Variants in PGLYRP3 observed in about 807,000 individuals in gnomAD.
The protein encoded by PGLYRP3 is peptidoglycan recognition protein 3, also known as peptidoglycan recognition protein I alpha.
In PGLYRP3, 39 loss-of-function variants were observed where a neutral mutation model predicts 36.0. The ratio of observed to expected loss-of-function variants is 1.08; its 90% CI spans 0.84 to 1.41. PGLYRP3 has a LOEUF of 1.41. Among genes scored for constraint, PGLYRP3 ranks in the 40% most tolerant of loss-of-function variants. The probability of loss-of-function intolerance (pLI) is 0.00; values close to 1 mark genes in which losing one functional copy is unlikely to be tolerated. For synonymous variants in PGLYRP3, 204 were observed against 172.8 expected, an observed-to-expected ratio of 1.18 and a Z score of -1.42; for missense variants, 407 against 427.9, an observed-to-expected ratio of 0.95 and a Z score of 0.43.
rs73014412 is a variant in PGLYRP3 at position 153,301,210 on chromosome 1, C to T, written c.728+1199G>A. 2.9e-3 allele frequency among the ~76,000 whole-genome samples: 440 copies of T among 152,290 alleles called. 3 individuals carry two copies. The highest frequency in any genetic ancestry group is 0.01 in the African/African-American group (423 of 41,552). ...TGCTGAGATTATAGGCATGAGCCACCGTGCCTGGCCAAATTAATCATCTTT... is the reference window on the plus strand; with the variant it reads ...TGCTGAGATTATAGGCATGAGCCACTGTGCCTGGCCAAATTAATCATCTTT... On this transcript the variant is annotated intron_variant, in intron 6 of 7. Coordinates refer to ENST00000683862, the MANE Select transcript of PGLYRP3 (RefSeq NM_052891.3).
chr1:153,297,656 G>A lies in PGLYRP3; in HGVS notation c.*300C>T, dbSNP rs952711795. Among the ~76,000 whole-genome samples the A allele has an allele frequency of 6.6e-6, 1 of 152,062 alleles. No individual in the cohort carries two copies. The highest frequency in any genetic ancestry group is 1.9e-4 in the East Asian group (1 of 5,190). On this transcript the variant is annotated 3_prime_UTR_variant, in exon 8 of 8. Coordinates refer to ENST00000683862, the MANE Select transcript of PGLYRP3 (RefSeq NM_052891.3). ...AGGAGACAGGGGTTGGGGGGAGAGA[G>A]AGAGAAATGCCACAAGGACCAGCCC...
intron 6 of PGLYRP3, among the ~76,000 whole-genome samples, chr1:153,300,439 C>G (rs1659560653): frequency 6.6e-6 from 1 of 152,180 alleles, no homozygotes; most frequent in South Asian, 2.1e-4. Context: ...CCCTCCTTCT[C>G]TCATATCTAT....
At chr1:153,308,071 T>TGG (rs1241947908) in intron 2 of PGLYRP3, among the ~76,000 whole-genome samples, 8 of 151,672 alleles carry the variant, frequency 5.3e-5, no homozygotes. Flanking sequence ...CTCGGCTCAC[T>TGG]GCAGCCTCCA....
rs1284256021 is a variant in PGLYRP3 at position 153,303,953 on chromosome 1, T to A, written c.433A>T (p.Ile145Phe). The A allele has an allele frequency of 1.2e-6, 2 of 1,613,906 alleles. No individual in the cohort carries two copies. Among genetic ancestry groups the A allele is most frequent in the East Asian group, 2.2e-5 (1 of 44,884 alleles). The change falls in exon 5 of 8, where the codon ATC becomes TTC. Residue 145 changes from isoleucine to phenylalanine, a missense_variant. Physicochemically the swap from Ile to Phe is conservative, Grantham distance 21. Transcript: ENST00000683862. The part of the protein sequence containing the change: ...SAAEGLISYA[I>F]QKGHLSPRYI... ...CTGGGCGACAGGTGACCCTTCTGGATGGCATAGGAGATCAGACCCTCTGCA... is the reference window on the plus strand; with the variant it reads ...CTGGGCGACAGGTGACCCTTCTGGAAGGCATAGGAGATCAGACCCTCTGCA...
rs1557813009 is a variant in PGLYRP3 at position 153,310,593 on chromosome 1, C to T, written c.55+18G>A. The T allele has an allele frequency of 4.3e-6, 7 of 1,613,360 alleles. No individual in the cohort carries two copies. The highest frequency in any genetic ancestry group is 5.9e-6 in the Non-Finnish European group (7 of 1,179,354). ...TTGCTCATCAAAAGCACTTCTGATG[C>T]AAGTAAATAAAACTTACCCCAAGCC... On this transcript the variant is annotated intron_variant, in intron 2 of 7. Coordinates refer to ENST00000683862, the MANE Select transcript of PGLYRP3 (RefSeq NM_052891.3).
intron 3 of PGLYRP3, among the ~76,000 whole-genome samples, chr1:153,305,267 G>A (rs1028099607): frequency 6.6e-6 from 1 of 152,182 alleles, no homozygotes; most frequent in South Asian, 2.1e-4. Flanking sequence ...GATTTAGCTT[G>A]CATGTGTTTT....
At position 153,302,442 on chromosome 1, in the gene PGLYRP3, A is replaced by T. The variant is rs1308509756; in HGVS notation, c.695T>A (p.Met232Lys). ...TVVRNIQSFH[M>K]DTRNFCDIGY... is the part of the protein sequence containing the mutation. ...AATGTCACAAAAGTTCCGTGTGTCC[A>T]TGTGAAAGGACTGTATGTTTCGGAC... Residue 232 changes from methionine (M) to lysine (K), a missense_variant, in exon 6 of 8, where the codon ATG (methionine) becomes AAG (lysine). By Grantham distance (95) the Met-to-Lys change is moderately conservative. Transcript: ENST00000683862. The T allele has an allele frequency of 6.2e-7, 1 of 1,614,170 alleles. No homozygotes were observed.
chr1:153,303,558 G>A (rs947225876), intron 5 of PGLYRP3, among the ~76,000 whole-genome samples: 1 of 152,204 alleles, frequency 6.6e-6, no homozygotes, highest in Non-Finnish European at 1.5e-5. Context: ...TTTGTTCACA[G>A]CTGTATGCTC....
intron 2 of PGLYRP3, 107 bp from the exon 3 acceptor site, chr1:153,307,374 C>T: frequency 9.5e-7 from 1 of 1,056,308 alleles, no homozygotes; most frequent in Admixed American, 2.1e-5. Context: ...CTGCCCCATG[C>T]ATGGGAGACA....
chr1:153,300,571 C>T (rs534532428), intron 6 of PGLYRP3, among the ~76,000 whole-genome samples: 59 of 152,292 alleles, frequency 3.9e-4, no homozygotes, highest in Non-Finnish European at 6.9e-4. Flanking sequence ...AGAACTAGCA[C>T]AAAGACTCTC....
Position 153,302,467 on chromosome 1 carries a change from C to A in PGLYRP3, c.670G>T (p.Val224Phe). 6.2e-7 allele frequency: 1 copy of A among 1,614,156 alleles called. No individual in the cohort carries two copies. The highest frequency in any genetic ancestry group is 8.5e-7 in the Non-Finnish European group (1 of 1,180,032). Residue 224 changes from valine to phenylalanine, a missense_variant, in exon 6 of 8, where the codon GTC (valine) becomes TTC (phenylalanine). Physicochemically the swap from Val to Phe is conservative, Grantham distance 50 (BLOSUM62 -1). Transcript: ENST00000683862. ...ATGTGAAAGGACTGTATGTTTCGGA[C>A]GACAGTCTGGCAGTCTGTGGATACA... is the stretch of plus-strand genomic sequence containing the variant. ...CTVSTDCQTV[V>F]RNIQSFHMDT... is the part of the protein sequence containing the mutation.
chr1:153,304,938 G>A lies in PGLYRP3; in HGVS notation c.376+9C>T, dbSNP rs1281260102. 6.2e-7 allele frequency: 1 copy of A among 1,608,164 alleles called. No homozygotes were observed. The highest frequency in any genetic ancestry group is 2.2e-5 in the East Asian group (1 of 44,800). ...CTCCAGCACAGGGTCCGCAGGGAGT[G>A]ACCCTTACCTATCTTATTGCCAAAG... On this transcript the variant is annotated intron_variant, in intron 4 of 7. Transcript: ENST00000683862.
At position 153,299,247 on chromosome 1, in the gene PGLYRP3, G is replaced by C; in HGVS notation, c.729-16C>G. The C allele has an allele frequency of 1.9e-6, 3 of 1,581,426 alleles. No individual in the cohort carries two copies. Among genetic ancestry groups the C allele is most frequent in the East Asian group, 2.2e-5 (1 of 44,692 alleles). ...CACCAGGAAGCTTAGGTCAGGAAAAGAAAATGAAGACAGTCACTCTGGGAA... is the reference window on the plus strand; with the variant it reads ...CACCAGGAAGCTTAGGTCAGGAAAACAAAATGAAGACAGTCACTCTGGGAA... On this transcript the variant is annotated splice_polypyrimidine_tract_variant and intron_variant, in intron 6 of 7. Coordinates refer to ENST00000683862, the MANE Select transcript of PGLYRP3 (RefSeq NM_052891.3).
At chr1:153,307,328 G>C in intron 2 of PGLYRP3, 61 bp from the exon 3 acceptor site, 1 of 1,492,152 alleles carries the variant, frequency 6.7e-7, no homozygotes, top group Non-Finnish European at 9.1e-7. Context: ...CCAACAGGTC[G>C]ACCATGTGCC....
chr1:153,307,261 G>A lies in PGLYRP3; in HGVS notation c.62C>T (p.Pro21Leu). The change falls in exon 3 of 8, where the codon CCC becomes CTC. Residue 21 changes from proline (P) to leucine (L), a missense_variant. By Grantham distance (98) the Pro-to-Leu change is moderately conservative (BLOSUM62 -3). Coordinates refer to ENST00000683862, the MANE Select transcript of PGLYRP3 (RefSeq NM_052891.3). The stretch of plus-strand genomic sequence containing the variant: ...CCACTCCTTGCGGGAGACGATGGTG[G>A]GAGTATCTGTAGGGAAGACCACAGA... ...FILGLQAWDT[P>L]TIVSRKEWGA... 6.3e-7 allele frequency: 1 copy of A among 1,598,504 alleles called. No individual in the cohort carries two copies. Among genetic ancestry groups the A allele is most frequent in the South Asian group, 1.1e-5 (1 of 88,428 alleles).
chr1:153,298,436 C>T (rs917211708), intron 7 of PGLYRP3, among the ~76,000 whole-genome samples: 4 of 152,102 alleles, frequency 2.6e-5, no homozygotes, highest in South Asian at 2.1e-4. Context: ...AGGCGGATCA[C>T]GAGATTAAGA....
chr1:153,302,248 C>G (rs1659614819), intron 6 of PGLYRP3, among the ~76,000 whole-genome samples, 161 bp downstream of exon 6: 1 of 152,238 alleles, frequency 6.6e-6, no homozygotes, highest in Non-Finnish European at 1.5e-5. Context: ...TAGCTATGCT[C>G]TGAATGATCC....
chr1:153,310,383 T>C (rs922128978), intron 2 of PGLYRP3, among the ~76,000 whole-genome samples: 1 of 152,232 alleles, frequency 6.6e-6, no homozygotes, highest in African/African-American at 2.4e-5. Context: ...CCTTTCATCA[T>C]GGGAGCAAAT....
In PGLYRP3 at chr1:153,299,207, G is replaced by T. The variant is rs186672749; in HGVS notation, c.753C>A (p.Gly251=). 4 of 1,613,818 alleles carry T rather than the reference G, an allele frequency of 2.5e-6. No individual in the cohort carries two copies. The highest frequency in any genetic ancestry group is 2.2e-5 in the South Asian group (2 of 91,056). Residue 251 remains glycine, a synonymous_variant, in exon 7 of 8, where the codon GGC becomes GGA. Transcript: ENST00000683862. ...GYHFLVGQDG[G]VYEGVGWHIQ... Reference sequence around the variant, plus strand: ...TGTGCCATCCAACCCCTTCATACACGCCACCATCCTGGCCCACCAGGAAGC... The same window carrying T: ...TGTGCCATCCAACCCCTTCATACACTCCACCATCCTGGCCCACCAGGAAGC...
Sources: allele counts gnomAD v4.1 joint callset (sites outside exome capture counted in the v4.1 genomes callset), GRCh38; gene constraint gnomAD v4.1.1; transcripts MANE v1.5; gene names NCBI Gene and HGNC (gene_info 2026-07-23, HGNC 2026-07-21).